The following THSD4 variants were observed in gnomAD, a reference collection of about 807,000 sequenced individuals.
The protein encoded by THSD4 is thrombospondin type 1 domain containing 4, also known as thrombospondin type-1 domain-containing protein 4.
THSD4 carries 69 observed loss-of-function variants against 119.0 expected under a neutral mutation model. The ratio of observed to expected loss-of-function variants is 0.58; its 90% CI spans 0.48 to 0.71. The LOEUF (loss-of-function observed/expected upper bound fraction) is 0.71. THSD4 is among the 30% of genes least tolerant of loss of function. The pLI, the probability that THSD4 is intolerant of heterozygous loss-of-function variation, is 0.00. For missense variants in THSD4, 1,393 were observed against 1,391.1 expected (o/e 1.00, Z -0.02); for synonymous variants, 524 against 540.4 (o/e 0.97, Z 0.42).
At chr15:71,467,482 C>T (rs148309353) in intron 7 of THSD4, among the ~76,000 whole-genome samples, 7 of 152,258 alleles carry the variant, frequency 4.6e-5, no homozygotes, top group African/African-American at 1.4e-4. Flanking sequence ...TGGTGATAAA[C>T]TGGGGGAATC....
At chr15:71,195,391 A>G (rs929761588) in intron 3 of THSD4, among the ~76,000 whole-genome samples, 1 of 152,350 alleles carries the variant, frequency 6.6e-6, no homozygotes, top group Admixed American at 6.5e-5. Context: ...GGAAAAGTCC[A>G]GTAGATGGAG....
intron 9 of THSD4, chr15:71,729,345 G>T (rs2052927895): frequency 2.0e-5 from 3 of 152,346 alleles, no homozygotes; most frequent in Non-Finnish European, 4.4e-5. Context: ...GAAACCACTA[G>T]AATTCAATCT....
At chr15:71,450,139 G>C (rs1395085719) in intron 7 of THSD4, among the ~76,000 whole-genome samples, 1 of 152,140 alleles carries the variant, frequency 6.6e-6, no homozygotes, top group Non-Finnish European at 1.5e-5. Flanking sequence ...GAAAACTCAA[G>C]GATGGCAGAC....
intron 6 of THSD4, among the ~76,000 whole-genome samples, chr15:71,306,866 T>G (rs548772081): frequency 1.3e-5 from 2 of 152,338 alleles, no homozygotes; most frequent in South Asian, 2.1e-4. Context: ...ATATCCTTGT[T>G]GCACTTCTCC....
chr15:71,450,347 T>C (rs1017582249), intron 7 of THSD4, among the ~76,000 whole-genome samples: 1 of 152,136 alleles, frequency 6.6e-6, no homozygotes, highest in East Asian at 1.9e-4. Flanking sequence ...TGAAGATTTT[T>C]TTTTTTCTTG....
chr15:71,561,231 C>T (rs1464244527), intron 7 of THSD4, among the ~76,000 whole-genome samples: 1 of 152,090 alleles, frequency 6.6e-6, no homozygotes, highest in Non-Finnish European at 1.5e-5. Flanking sequence ...GCCTCAGCCT[C>T]CCAAAGTGCT....
intron 6 of THSD4, among the ~76,000 whole-genome samples, chr15:71,329,267 G>A (rs1177024856): frequency 2.6e-5 from 4 of 152,246 alleles, no homozygotes; most frequent in Non-Finnish European, 4.4e-5. Context: ...GACAGGGAGC[G>A]GGCCAGGCTG....
intron 8 of THSD4, among the ~76,000 whole-genome samples, chr15:71,717,133 G>A (rs989520200): frequency 3.3e-5 from 5 of 152,140 alleles, no homozygotes; most frequent in Non-Finnish European, 5.9e-5. Flanking sequence ...TTGAAAATGG[G>A]CCTTCTTGGC....
intron 7 of THSD4, among the ~76,000 whole-genome samples, chr15:71,438,674 T>C (rs1171273194): frequency 6.7e-6 from 1 of 148,992 alleles, no homozygotes. Flanking sequence ...TACTTGTGTA[T>C]ATTTTTGGCT....
intron 6 of THSD4, among the ~76,000 whole-genome samples, chr15:71,371,232 A>G (rs1853380757): frequency 6.6e-6 from 1 of 152,126 alleles, no homozygotes; most frequent in African/African-American, 2.4e-5. Context: ...CTCTTTATCC[A>G]GTTTGCCAGT....
chr15:71,374,412 C>T (rs1338459539), intron 6 of THSD4, among the ~76,000 whole-genome samples: 4 of 152,142 alleles, frequency 2.6e-5, no homozygotes, highest in African/African-American at 9.7e-5. Context: ...TACTTCTTAT[C>T]CCATCTAAAG....
intron 2 of THSD4, among the ~76,000 whole-genome samples, chr15:71,147,359 C>G (rs1476392684): frequency 6.6e-6 from 1 of 152,084 alleles, no homozygotes; most frequent in African/African-American, 2.4e-5. Flanking sequence ...TGTGTGCCAC[C>G]AGGCCCAGCT....
intron 8 of THSD4, among the ~76,000 whole-genome samples, chr15:71,721,529 G>T (rs1271268068): frequency 6.8e-6 from 1 of 146,962 alleles, no homozygotes; most frequent in Admixed American, 6.9e-5. Context: ...AATTAGCTGG[G>T]TATGGTGGCA....
chr15:71,762,504 GAC>G (rs2053643691), intron 15 of THSD4, among the ~76,000 whole-genome samples: 1 of 152,172 alleles, frequency 6.6e-6, no homozygotes, highest in Non-Finnish European at 1.5e-5. Context: ...CTTAGCCAAA[GAC>G]ACAGAACTAT....
intron 7 of THSD4, among the ~76,000 whole-genome samples, chr15:71,447,332 G>T (rs952302709): frequency 6.6e-6 from 1 of 151,972 alleles, no homozygotes; most frequent in Non-Finnish European, 1.5e-5. Flanking sequence ...TGTTGGACAG[G>T]ATTGTCTTGA....
At chr15:71,386,084 TG>T (rs1288951137) in intron 6 of THSD4, among the ~76,000 whole-genome samples, 1 of 152,242 alleles carries the variant, frequency 6.6e-6, no homozygotes, top group Non-Finnish European at 1.5e-5. Flanking sequence ...TTCCTGGGAC[TG>T]TTTACTGAGT....
At chr15:71,409,162 C>CT (rs985433202) in intron 6 of THSD4, among the ~76,000 whole-genome samples, 10 of 150,930 alleles carry the variant, frequency 6.6e-5, no homozygotes, top group Non-Finnish European at 1.2e-4. Flanking sequence ...TTTTCCCCCC[C>CT]CCTCAGAATG....
chr15:71,365,195 G>A (rs2045945701), intron 6 of THSD4, among the ~76,000 whole-genome samples: 1 of 151,260 alleles, frequency 6.6e-6, no homozygotes, highest in Non-Finnish European at 1.5e-5. Context: ...GAAAAGAAGA[G>A]AGAGGGCAAG....
At chr15:71,469,152 A>G (rs990212491) in intron 7 of THSD4, among the ~76,000 whole-genome samples, 2 of 152,152 alleles carry the variant, frequency 1.3e-5, no homozygotes, top group African/African-American at 4.8e-5. Context: ...GACCTAAGAT[A>G]TTGTTTGGGT....
Sources: allele counts gnomAD v4.1 joint callset (sites outside exome capture counted in the v4.1 genomes callset), GRCh38; gene constraint gnomAD v4.1.1; transcripts MANE v1.5; gene names NCBI Gene and HGNC (gene_info 2026-07-23, HGNC 2026-07-21).